The following CNTNAP2 variants were observed in gnomAD, a reference collection of about 807,000 sequenced individuals.
The protein encoded by CNTNAP2 is contactin-associated protein-like 2.
A neutral mutation model predicts 155.2 loss-of-function variants in CNTNAP2; 98 were observed. The ratio of observed to expected loss-of-function variants is 0.63; its 90% CI spans 0.54 to 0.75. The LOEUF (loss-of-function observed/expected upper bound fraction) is 0.75. Among genes scored for constraint, CNTNAP2 ranks in the 30% least tolerant of loss-of-function variants. CNTNAP2 has a pLI of 0.00. For synonymous variants in CNTNAP2, 651 were observed against 631.2 expected, an observed-to-expected ratio of 1.03 and a Z score of -0.47; for missense variants, 1,727 against 1,688.1, an observed-to-expected ratio of 1.02 and a Z score of -0.40.
At chr7:146,932,748 A>G (rs1014885360) in intron 3 of CNTNAP2, among the ~76,000 whole-genome samples, 14 of 152,222 alleles carry the variant, frequency 9.2e-5, no homozygotes, top group Admixed American at 3.9e-4. Flanking sequence ...GTCTCAGGAT[A>G]CAAAATCAAT....
intron 13 of CNTNAP2, among the ~76,000 whole-genome samples, chr7:147,703,277 A>G (rs1312760729): frequency 2.6e-5 from 4 of 152,164 alleles, no homozygotes; most frequent in Admixed American, 6.6e-5. Flanking sequence ...GTTCTCACAC[A>G]CTGGACTCTC....
intron 12 of CNTNAP2, among the ~76,000 whole-genome samples, chr7:147,599,591 G>A (rs953180883): frequency 1.3e-5 from 2 of 151,884 alleles, no homozygotes; most frequent in Admixed American, 1.3e-4. Flanking sequence ...ATGTCCACAG[G>A]GCCATGCTCT....
intron 9 of CNTNAP2, among the ~76,000 whole-genome samples, chr7:147,368,357 A>G (rs2116909859): frequency 6.6e-6 from 1 of 152,164 alleles, no homozygotes; most frequent in African/African-American, 2.4e-5. Flanking sequence ...GAAGAATGTC[A>G]GTTGAGTTGT....
intron 1 of CNTNAP2, among the ~76,000 whole-genome samples, chr7:146,641,869 T>A (rs1799714317): frequency 6.6e-6 from 1 of 152,204 alleles, no homozygotes; most frequent in Admixed American, 6.5e-5. Context: ...GTTGTTATTA[T>A]TTGCAAACTT....
chr7:147,715,500 TCCATTTTCTAATTTCATGTCTTTTGC>T (rs1286722918), intron 13 of CNTNAP2, among the ~76,000 whole-genome samples: 2 of 152,110 alleles, frequency 1.3e-5, no homozygotes, highest in Non-Finnish European at 1.5e-5. Context: ...ACGTCTTTTG[TCCATTTTCTAATTTCATGTCTTTTGC>T]CCATTTTCTA....
At chr7:147,194,981 A>T (rs774795869) in intron 8 of CNTNAP2, among the ~76,000 whole-genome samples, 3 of 152,162 alleles carry the variant, frequency 2.0e-5, no homozygotes, top group Non-Finnish European at 2.9e-5. Context: ...CATTTTTGTC[A>T]TGAAGTCTTT....
intron 12 of CNTNAP2, among the ~76,000 whole-genome samples, chr7:147,597,672 T>C (rs1800850664): frequency 6.6e-6 from 1 of 152,188 alleles, no homozygotes. Flanking sequence ...CAAGCTCATC[T>C]CAGAGAAGTG....
chr7:146,725,744 C>A lies in CNTNAP2; in HGVS notation c.98-48527C>A, dbSNP rs1237025726. Among the ~76,000 whole-genome samples the A allele has an allele frequency of 3.3e-5, 5 of 152,170 alleles. No individual in the cohort carries two copies. The South Asian group carries it at 8.3e-4, about 25-fold the overall frequency. On this transcript the variant is annotated intron_variant, in intron 1 of 23. Transcript: ENST00000361727. Reference sequence around the variant, plus strand: ...CCACTAATCACTCCAGTGACCCCACCCCGAGGGACTCAGCATGCGGGAGGA... The same window carrying A: ...CCACTAATCACTCCAGTGACCCCACACCGAGGGACTCAGCATGCGGGAGGA...
intron 10 of CNTNAP2, among the ~76,000 whole-genome samples, chr7:147,479,408 A>G (rs1190653109): frequency 6.6e-6 from 1 of 152,200 alleles, no homozygotes; most frequent in Admixed American, 6.5e-5. Flanking sequence ...AGAGTGTCTT[A>G]TGTGGAACAG....
chr7:146,753,029 C>T (rs544098172), intron 1 of CNTNAP2, among the ~76,000 whole-genome samples: 1 of 152,222 alleles, frequency 6.6e-6, no homozygotes, highest in African/African-American at 2.4e-5. Context: ...TAGAGCCTGA[C>T]TTTTATGGAT....
chr7:146,517,523 T>A (rs879703374), intron 1 of CNTNAP2, among the ~76,000 whole-genome samples: 11 of 152,052 alleles, frequency 7.2e-5, no homozygotes, highest in Admixed American at 1.3e-4. Context: ...GAATGTGGAA[T>A]GGACAGTGAA....
At position 147,652,829 on chromosome 7, in the gene CNTNAP2, T is replaced by C. The variant is rs577201430; in HGVS notation, c.2098+13523T>C. Among the ~76,000 whole-genome samples the C allele has an allele frequency of 3.9e-4, 59 of 152,300 alleles. 2 individuals are homozygous for C. In the South Asian group the frequency reaches 0.012, roughly 31 times the overall value. ...CAGTTGGGGAATTTTTAATTTCTTA[T>C]ATTGAAACATTAATATGGGCTTCCA... On this transcript the variant is annotated intron_variant, in intron 13 of 23. Transcript: ENST00000361727.
intron 15 of CNTNAP2, among the ~76,000 whole-genome samples, chr7:148,104,585 G>A (rs1266164972): frequency 6.6e-6 from 1 of 152,140 alleles, no homozygotes; most frequent in African/African-American, 2.4e-5. Context: ...CAGGGCAGAT[G>A]ATAAAATGGA....
At chr7:146,775,210 TA>T (rs1309064033) in intron 2 of CNTNAP2, among the ~76,000 whole-genome samples, 1 of 152,090 alleles carries the variant, frequency 6.6e-6, no homozygotes, top group East Asian at 1.9e-4. Flanking sequence ...AAGTTTTAGT[TA>T]GACAAGATGA....
At chr7:147,559,324 CA>C (rs1163166872) in intron 11 of CNTNAP2, among the ~76,000 whole-genome samples, 1 of 152,166 alleles carries the variant, frequency 6.6e-6, no homozygotes, top group African/African-American at 2.4e-5. Flanking sequence ...TTCACATTGG[CA>C]AGCAGCTGAA....
At chr7:147,796,033 C>T (rs1444913644) in intron 13 of CNTNAP2, among the ~76,000 whole-genome samples, 1 of 152,130 alleles carries the variant, frequency 6.6e-6, no homozygotes, top group Non-Finnish European at 1.5e-5. Context: ...GCCCAAACTA[C>T]TCACTGGCCA....
intron 1 of CNTNAP2, among the ~76,000 whole-genome samples, chr7:146,471,472 T>C (rs925419521): frequency 2.4e-4 from 36 of 152,248 alleles, no homozygotes; most frequent in African/African-American, 8.4e-4. Context: ...CTGGGTTTAA[T>C]TGGACCCAAT....
chr7:147,011,726 C>T (rs1798629732), intron 3 of CNTNAP2, among the ~76,000 whole-genome samples: 1 of 152,120 alleles, frequency 6.6e-6, no homozygotes, highest in Non-Finnish European at 1.5e-5. Flanking sequence ...TTTCCCAAAG[C>T]CAGCCATACA....
chr7:148,216,778 A>G (rs1422659801), intron 18 of CNTNAP2, among the ~76,000 whole-genome samples: 1 of 152,166 alleles, frequency 6.6e-6, no homozygotes, highest in Non-Finnish European at 1.5e-5. Flanking sequence ...AGTTCCCATA[A>G]TCCCCTCATG....
Sources: allele counts gnomAD v4.1 joint callset (sites outside exome capture counted in the v4.1 genomes callset), GRCh38; gene constraint gnomAD v4.1.1; transcripts MANE v1.5; gene names NCBI Gene and HGNC (gene_info 2026-07-23, HGNC 2026-07-21).